The following EXT1 variants were observed in gnomAD, a reference collection of about 807,000 sequenced individuals.
The protein encoded by EXT1 is exostosin glycosyltransferase 1, also known as exostosin-1.
Under a neutral mutation model 82.5 loss-of-function variants are expected in EXT1, and 20 were observed. The ratio of observed to expected loss-of-function variants is 0.24; its 90% confidence interval spans 0.17 to 0.35. EXT1 has a LOEUF of 0.35. Among genes scored for constraint, EXT1 ranks in the 10% least tolerant of loss-of-function variants. The pLI is 1.00. For synonymous variants in EXT1, 348 were observed against 350.8 expected (o/e 0.99, Z 0.09); for missense variants, 757 against 936.5 (o/e 0.81, Z 2.50).
chr8:117,922,614 A>G (rs1314109807), intron 1 of EXT1, among the ~76,000 whole-genome samples: 2 of 152,178 alleles, frequency 1.3e-5, no homozygotes, highest in Non-Finnish European at 2.9e-5. Flanking sequence ...TTATAGAAGG[A>G]GAACAAGAGA....
chr8:117,910,776 T>C (rs1813631981), intron 1 of EXT1, among the ~76,000 whole-genome samples: 1 of 152,230 alleles, frequency 6.6e-6, no homozygotes, highest in African/African-American at 2.4e-5. Flanking sequence ...GACTCTACTT[T>C]GCAAACTCTT....
chr8:117,996,054 C>G (rs57306843), intron 1 of EXT1, among the ~76,000 whole-genome samples: 2 of 152,182 alleles, frequency 1.3e-5, no homozygotes, highest in East Asian at 3.9e-4. Context: ...GGGTCTACTG[C>G]CCTTGCCTTT....
At chr8:118,091,677 G>A (rs190906262) in intron 1 of EXT1, among the ~76,000 whole-genome samples, 175 of 152,188 alleles carry the variant, frequency 1.1e-3, no homozygotes, top group African/African-American at 3.9e-3. Context: ...CCTGGGAAGC[G>A]GAGCTTGCAA....
At chr8:117,935,883 T>C (rs915786096) in intron 1 of EXT1, among the ~76,000 whole-genome samples, 2 of 152,086 alleles carry the variant, frequency 1.3e-5, no homozygotes, top group Non-Finnish European at 2.9e-5. Flanking sequence ...TGAAACCAAA[T>C]TCTATAATAT....
chr8:117,822,087 G>T (rs1399841586), intron 5 of EXT1, among the ~76,000 whole-genome samples: 1 of 151,852 alleles, frequency 6.6e-6, no homozygotes, highest in Non-Finnish European at 1.5e-5. Flanking sequence ...CTTTGGTAAG[G>T]AATAGAGATA....
intron 1 of EXT1, among the ~76,000 whole-genome samples, chr8:117,886,687 A>C (rs1813152127): frequency 6.6e-6 from 1 of 152,244 alleles, no homozygotes. Context: ...AAAATCCTGC[A>C]GAAACTCCTA....
chr8:117,930,085 CAGAG>C (rs1166015510), intron 1 of EXT1, among the ~76,000 whole-genome samples: 3 of 149,172 alleles, frequency 2.0e-5, no homozygotes, highest in Admixed American at 2.0e-4. Context: ...GCCTGGGCAA[CAGAG>C]AGAGACTCCA....
At chr8:118,107,384 G>A (rs1234238750) in intron 1 of EXT1, among the ~76,000 whole-genome samples, 1 of 152,114 alleles carries the variant, frequency 6.6e-6, no homozygotes, top group Non-Finnish European at 1.5e-5. Flanking sequence ...CCCTGAAGCA[G>A]TCTGAAACCC....
At chr8:118,098,254 G>A (rs773633510) in intron 1 of EXT1, among the ~76,000 whole-genome samples, 2 of 152,146 alleles carry the variant, frequency 1.3e-5, no homozygotes, top group East Asian at 1.9e-4. Context: ...CGCTAGGAGT[G>A]TGAAATGCCC....
At chr8:118,070,273 T>TGC (rs1245909238) in intron 1 of EXT1, among the ~76,000 whole-genome samples, 2 of 138,088 alleles carry the variant, frequency 1.4e-5, no homozygotes, top group African/African-American at 2.8e-5. Context: ...TGTGTGTGTG[T>TGC]GTGCATATCA....
chr8:118,059,568 G>C (rs1816851269), intron 1 of EXT1, among the ~76,000 whole-genome samples: 2 of 152,190 alleles, frequency 1.3e-5, no homozygotes, highest in Admixed American at 1.3e-4. Context: ...ACAGGGTTTG[G>C]AACTCCACAG....
rs181044362 is a variant in EXT1 at position 118,005,111 on chromosome 8, G to A, written c.962+104974C>T. ...CTGGAGAGTGGCAGTCAGGACTTGAGGTCCAAAGCTCTCTACCTAACTTTT... is the reference window on the plus strand; with the variant it reads ...CTGGAGAGTGGCAGTCAGGACTTGAAGTCCAAAGCTCTCTACCTAACTTTT... On this transcript the variant is annotated intron_variant, in intron 1 of 10. Coordinates refer to ENST00000378204, the MANE Select transcript of EXT1 (RefSeq NM_000127.3). Among the ~76,000 whole-genome samples the A allele has an allele frequency of 5.2e-3, 790 of 152,276 alleles. 5 individuals carry two copies. The highest frequency in any genetic ancestry group is 5.9e-3 in the Non-Finnish European group (401 of 68,028).
chr8:118,024,972 T>C (rs1450165989), intron 1 of EXT1, among the ~76,000 whole-genome samples: 1 of 152,258 alleles, frequency 6.6e-6, no homozygotes, highest in African/African-American at 2.4e-5. Flanking sequence ...TGTGTTTATA[T>C]GTGTGTTTCT....
At chr8:118,002,648 G>A (rs1309579780) in intron 1 of EXT1, among the ~76,000 whole-genome samples, 1 of 147,784 alleles carries the variant, frequency 6.8e-6, no homozygotes, top group African/African-American at 2.5e-5. Context: ...TCTCCTGCCT[G>A]AGCCTCCTGA....
Position 117,822,539 on chromosome 8 carries a change from T to C in EXT1, c.1343A>G (p.His448Arg). 1.2e-6 allele frequency: 2 copies of C among 1,613,106 alleles called. No individual in the cohort carries two copies. The highest frequency in any genetic ancestry group is 2.2e-5 in the South Asian group (2 of 91,066). ...TGGTAGTACGAACAATCCTCCAGGA[T>C]GTTTGTTCCATATTAAACTGTTACG... ...ISRNSLIWNKHPGGLFVLPQY... is the reference protein window; with the variant it reads ...ISRNSLIWNKRPGGLFVLPQY... Residue 448 changes from histidine (H) to arginine (R), a missense_variant, in exon 5 of 11, where the codon CAT (histidine) becomes CGT (arginine). Transcript: ENST00000378204.
intron 1 of EXT1, among the ~76,000 whole-genome samples, chr8:118,044,391 T>C (rs1816585640): frequency 6.6e-6 from 1 of 151,590 alleles, no homozygotes; most frequent in African/African-American, 2.4e-5. Flanking sequence ...CAGCCTGAAA[T>C]GTTTTTGGTC....
At chr8:117,923,945 T>C (rs1348354904) in intron 1 of EXT1, among the ~76,000 whole-genome samples, 1 of 152,158 alleles carries the variant, frequency 6.6e-6, no homozygotes, top group Non-Finnish European at 1.5e-5. Flanking sequence ...CACAGAGACA[T>C]GTATTCACCA....
intron 1 of EXT1, among the ~76,000 whole-genome samples, chr8:118,085,626 A>C (rs1817403781): frequency 6.6e-6 from 1 of 152,042 alleles, no homozygotes; most frequent in South Asian, 2.1e-4. Flanking sequence ...ACTTTACTGC[A>C]AACTTTAAGG....
chr8:117,882,285 G>A (rs1313142756), intron 1 of EXT1, among the ~76,000 whole-genome samples: 1 of 152,076 alleles, frequency 6.6e-6, no homozygotes, highest in Non-Finnish European at 1.5e-5. Context: ...GTTTTACCAT[G>A]TTGGCCAGGC....
Sources: allele counts gnomAD v4.1 joint callset (sites outside exome capture counted in the v4.1 genomes callset), GRCh38; gene constraint gnomAD v4.1.1; transcripts MANE v1.5; gene names NCBI Gene and HGNC (gene_info 2026-07-23, HGNC 2026-07-21).